Variants in NEBL observed in about 807,000 individuals in gnomAD.
NEBL encodes the protein nebulette.
In NEBL, 122 loss-of-function variants were observed where a neutral mutation model predicts 140.2. The observed-to-expected ratio is 0.87, with a 90% CI of 0.75 to 1.01. The LOEUF (loss-of-function observed/expected upper bound fraction) is 1.01, where lower values mean the gene tolerates loss of function less well. Ranked by LOEUF, NEBL falls within the 50% of genes least tolerant of loss-of-function variation. The pLI is 0.00. For synonymous variants in NEBL, 436 were observed against 398.9 expected (o/e 1.09, Z -1.11); for missense variants, 1,365 against 1,231.3 (o/e 1.11, Z -1.62).
chr10:20,975,418 T>A (rs908557770), intron 3 of NEBL, among the ~76,000 whole-genome samples: 1 of 152,038 alleles, frequency 6.6e-6, no homozygotes, highest in Admixed American at 6.6e-5. Context: ...CAGCAATAAG[T>A]TGGCATTGCC....
chr10:21,105,213 G>A (rs773356953), intron 2 of NEBL, among the ~76,000 whole-genome samples: 6 of 151,652 alleles, frequency 4.0e-5, no homozygotes, highest in Admixed American at 1.3e-4. Flanking sequence ...TTTTAAGTTC[G>A]GGGATACATG....
At chr10:21,196,502 A>G (rs1356235005) in intron 3 of NEBL, among the ~76,000 whole-genome samples, 1 of 149,102 alleles carries the variant, frequency 6.7e-6, no homozygotes, top group Non-Finnish European at 1.5e-5. Flanking sequence ...CCATCACTAA[A>G]CCCGGCTAAT....
intron 2 of NEBL, among the ~76,000 whole-genome samples, chr10:21,089,032 G>C (rs936215234): frequency 6.6e-6 from 1 of 152,202 alleles, no homozygotes; most frequent in African/African-American, 2.4e-5. Context: ...TCAATGAGGA[G>C]AGATGGTGCA....
chr10:21,076,413 C>G (rs1478222374), intron 2 of NEBL, among the ~76,000 whole-genome samples: 1 of 134,978 alleles, frequency 7.4e-6, no homozygotes, highest in Non-Finnish European at 1.5e-5. Context: ...CCACTGCACT[C>G]CAGTCTGGGC....
At chr10:21,004,967 C>A (rs1838071554) in intron 3 of NEBL, among the ~76,000 whole-genome samples, 1 of 152,164 alleles carries the variant, frequency 6.6e-6, no homozygotes, top group Non-Finnish European at 1.5e-5. Context: ...TATGGAGAAA[C>A]TGGTGAATTA....
chr10:20,792,406 C>T (rs1219112792), intron 26 of NEBL, among the ~76,000 whole-genome samples: 1 of 151,928 alleles, frequency 6.6e-6, no homozygotes, highest in African/African-American at 2.4e-5. Context: ...GACAAAGAAC[C>T]CCTATTTAGA....
chr10:21,113,112 G>A, intron 2 of NEBL: 2 of 248,882 alleles, frequency 8.0e-6, no homozygotes, highest in Non-Finnish European at 1.5e-5. Context: ...GGAGGAGGCG[G>A]AGGAAGTGGA....
intron 2 of NEBL, chr10:21,146,548 G>C (rs774143997): frequency 2.0e-6 from 3 of 1,517,228 alleles, no homozygotes; most frequent in Non-Finnish European, 2.7e-6. Flanking sequence ...AAATGGTGCT[G>C]TGTTTGGGCA....
At chr10:21,157,752 G>A (rs1840391482) in intron 2 of NEBL, among the ~76,000 whole-genome samples, 1 of 152,156 alleles carries the variant, frequency 6.6e-6, no homozygotes, top group Non-Finnish European at 1.5e-5. Flanking sequence ...GTGTGTTAGA[G>A]TCCTAACCCC....
upstream of NEBL, chr10:20,899,428 G>T: frequency 7.7e-7 from 1 of 1,303,396 alleles, no homozygotes; most frequent in Non-Finnish European, 1.0e-6. Flanking sequence ...CACGTAATAT[G>T]TTCTTAGGGA....
At chr10:20,923,619 C>A (rs537178882) in intron 4 of NEBL, among the ~76,000 whole-genome samples, 3 of 124,680 alleles carry the variant, frequency 2.4e-5, no homozygotes, top group East Asian at 4.8e-4. Flanking sequence ...GTGGAAATTG[C>A]AGTGAGCCGA....
intron 4 of NEBL, among the ~76,000 whole-genome samples, chr10:20,909,892 GA>G (rs570798135): frequency 7.3e-5 from 11 of 150,464 alleles, no homozygotes; most frequent in Admixed American, 2.0e-4. Flanking sequence ...ATATCTGCAG[GA>G]AAAAAAAAGT....
At chr10:21,098,997 G>T (rs1366472648) in intron 2 of NEBL, among the ~76,000 whole-genome samples, 1 of 152,124 alleles carries the variant, frequency 6.6e-6, no homozygotes, top group Non-Finnish European at 1.5e-5. Context: ...GCTGGACATG[G>T]TGGCACACAC....
chr10:21,201,880 A>G (rs933410589), intron 3 of NEBL, among the ~76,000 whole-genome samples: 1 of 152,198 alleles, frequency 6.6e-6, no homozygotes, highest in African/African-American at 2.4e-5. Context: ...ATTTTTAGGA[A>G]TCAAATTTGG....
chr10:21,100,038 C>A (rs1487903789), intron 2 of NEBL, among the ~76,000 whole-genome samples: 2 of 152,166 alleles, frequency 1.3e-5, no homozygotes, highest in Non-Finnish European at 1.5e-5. Flanking sequence ...CGCCCAATAA[C>A]CTGGCCTAAA....
intron 26 of NEBL, among the ~76,000 whole-genome samples, chr10:20,806,389 T>C (rs752285585): frequency 6.6e-6 from 1 of 152,204 alleles, no homozygotes; most frequent in Non-Finnish European, 1.5e-5. Context: ...GATGCTTCCA[T>C]TTGAACATCT....
At chr10:20,864,836 T>C (rs1296827557) in intron 7 of NEBL, among the ~76,000 whole-genome samples, 3 of 152,200 alleles carry the variant, frequency 2.0e-5, no homozygotes, top group Non-Finnish European at 2.9e-5. Context: ...ACTGAGTTCA[T>C]CCCAGAATTC....
intron 1 of NEBL, among the ~76,000 whole-genome samples, chr10:21,259,631 AC>A: frequency 6.6e-6 from 1 of 152,146 alleles, no homozygotes; most frequent in East Asian, 1.9e-4. Flanking sequence ...TTGAGGGAAC[AC>A]CAGTCTTCCT....
chr10:21,168,416 A>G (rs1476145545), intron 2 of NEBL, among the ~76,000 whole-genome samples: 1 of 152,054 alleles, frequency 6.6e-6, no homozygotes, highest in Non-Finnish European at 1.5e-5. Context: ...GATTCTGTAA[A>G]TCAGTAGAAA....
Sources: gnomAD v4.1 joint callset for allele counts (sites outside exome capture counted in the v4.1 genomes callset) on GRCh38, gnomAD v4.1.1 for gene constraint, MANE v1.5 for transcripts, NCBI Gene and HGNC (gene_info 2026-07-23, HGNC 2026-07-21) for gene names.